Variants in RARB observed in about 807,000 individuals in gnomAD.
RARB encodes the protein HBV-activated protein.
In RARB, 17 loss-of-function variants were observed where a neutral mutation model predicts 51.9. The observed-to-expected ratio is 0.33, with a 90% CI of 0.22 to 0.49. RARB has a LOEUF of 0.49. Among genes scored for constraint, RARB ranks in the 20% least tolerant of loss-of-function variants. The pLI is 0.99. For synonymous variants in RARB, 215 were observed against 195.4 expected (o/e 1.10, Z -0.84); for missense variants, 369 against 550.8 (o/e 0.67, Z 3.30).
chr3:25,186,776 C>T (rs1283458209), intron 5 of RARB, among the ~76,000 whole-genome samples: 1 of 151,854 alleles, frequency 6.6e-6, no homozygotes, highest in Non-Finnish European at 1.5e-5. Flanking sequence ...GACTGAGACA[C>T]CTATAACAAA....
At chr3:25,448,867 A>T (rs1449410589) in intron 1 of RARB, among the ~76,000 whole-genome samples, 1 of 152,124 alleles carries the variant, frequency 6.6e-6, no homozygotes, top group Admixed American at 6.5e-5. Flanking sequence ...GTCTACTTCA[A>T]GTTACTCCTC....
chr3:24,962,952 G>A (rs1383469183), intron 2 of RARB, among the ~76,000 whole-genome samples: 1 of 152,080 alleles, frequency 6.6e-6, no homozygotes, highest in African/African-American at 2.4e-5. Context: ...TAAGTAATTT[G>A]CCGAAGTCAC....
intron 2 of RARB, among the ~76,000 whole-genome samples, chr3:24,981,740 C>T (rs1392491124): frequency 1.3e-5 from 2 of 152,152 alleles, no homozygotes; most frequent in African/African-American, 4.8e-5. Flanking sequence ...CTTATGCTTC[C>T]TGGGTAAGGC....
At chr3:24,920,521 T>C (rs991946464) in intron 2 of RARB, among the ~76,000 whole-genome samples, 3 of 152,172 alleles carry the variant, frequency 2.0e-5, no homozygotes, top group Non-Finnish European at 4.4e-5. Flanking sequence ...TAGGTTAAAA[T>C]TGGGAATTTA....
chr3:24,947,873 T>C (rs1256401365), intron 2 of RARB, among the ~76,000 whole-genome samples: 1 of 152,180 alleles, frequency 6.6e-6, no homozygotes, highest in African/African-American at 2.4e-5. Flanking sequence ...TTCATATCTG[T>C]AAAATATGTA....
intron 1 of RARB, among the ~76,000 whole-genome samples, chr3:25,439,516 CCG>C (rs1256379536): frequency 1.3e-5 from 2 of 152,130 alleles, no homozygotes; most frequent in East Asian, 3.9e-4. Context: ...AGCAATCCTC[CCG>C]CCTCAGCCTC....
intron 2 of RARB, among the ~76,000 whole-genome samples, chr3:25,490,460 G>T (rs1696675794): frequency 6.6e-6 from 1 of 152,126 alleles, no homozygotes; most frequent in African/African-American, 2.4e-5. Context: ...TTTTGTTAAT[G>T]GCCAAATGTT....
At chr3:25,328,590 G>T (rs1704795204) in intron 5 of RARB, among the ~76,000 whole-genome samples, 1 of 152,192 alleles carries the variant, frequency 6.6e-6, no homozygotes, top group South Asian at 2.1e-4. Context: ...AAGAGCTCCA[G>T]TCTACAGCTC....
intron 5 of RARB, among the ~76,000 whole-genome samples, chr3:25,303,142 A>G (rs1312370893): frequency 6.6e-6 from 1 of 152,132 alleles, no homozygotes; most frequent in Admixed American, 6.5e-5. Context: ...CAACCTCTTG[A>G]CATGCTCAGC....
At chr3:25,212,180 T>C (rs1701715206) in intron 5 of RARB, among the ~76,000 whole-genome samples, 1 of 152,222 alleles carries the variant, frequency 6.6e-6, no homozygotes, top group Non-Finnish European at 1.5e-5. Context: ...ATTTTTATTT[T>C]TATGTTTCTA....
At chr3:25,262,012 A>G (rs945266055) in intron 5 of RARB, among the ~76,000 whole-genome samples, 1 of 152,010 alleles carries the variant, frequency 6.6e-6, no homozygotes, top group African/African-American at 2.4e-5. Flanking sequence ...TAAACCTGAC[A>G]CTGTTACTCT....
chr3:24,871,837 A>T (rs188357208), intron 2 of RARB, among the ~76,000 whole-genome samples: 7 of 152,242 alleles, frequency 4.6e-5, no homozygotes, highest in Admixed American at 2.0e-4. Flanking sequence ...GGATTATTCT[A>T]TACTCCTTTT....
rs527805888 is a variant in RARB, at chr3:25,519,978, A to G, written c.448+18655A>G. On this transcript the variant is annotated intron_variant, in intron 3 of 7. Transcript: ENST00000330688. Reference sequence around the variant, plus strand: ...AACATCCATATTCACCTCAGTGTAAAAGACCATAATCAGGGGTCAGCCTAT... The same window carrying G: ...AACATCCATATTCACCTCAGTGTAAGAGACCATAATCAGGGGTCAGCCTAT... Among the ~76,000 whole-genome samples the G allele has an allele frequency of 3.9e-5, 6 of 152,338 alleles. No homozygotes were observed. In the South Asian group the frequency reaches 1.2e-3, roughly 32 times the overall value.
At chr3:25,250,167 T>C (rs760784415) in intron 5 of RARB, among the ~76,000 whole-genome samples, 1 of 152,144 alleles carries the variant, frequency 6.6e-6, no homozygotes, top group Non-Finnish European at 1.5e-5. Context: ...GCTGTAGTAG[T>C]AACAGCAGGT....
At chr3:25,170,477 C>G (rs1410403698) in intron 4 of RARB, among the ~76,000 whole-genome samples, 1 of 152,148 alleles carries the variant, frequency 6.6e-6, no homozygotes, top group Admixed American at 6.5e-5. Context: ...GCATTTTTAA[C>G]CAGTTTGCTG....
chr3:24,853,131 G>A (rs1197791313), intron 1 of RARB, among the ~76,000 whole-genome samples: 1 of 151,008 alleles, frequency 6.6e-6, no homozygotes. Flanking sequence ...TGGTTAACAC[G>A]GTGAAACCCT....
At position 25,210,585 on chromosome 3, in the gene RARB, G is replaced by C. The variant is rs562492842; in HGVS notation, c.178+36010G>C. Among the ~76,000 whole-genome samples the C allele has an allele frequency of 2.5e-5, 3 of 118,884 alleles. 1 individual carries two copies. In the South Asian group the frequency reaches 8.6e-4, roughly 34 times the overall value. The allele number at this position is 118,884 out of a possible 152,430, so 78.0% of individuals were successfully genotyped here. On this transcript the variant is annotated intron_variant, in intron 5 of 11. Transcript: ENST00000383772. ...GAGTCTCACTCTGTTGCCCAGGCAA[G>C]AGTGCAGAGGTGTAATCTCGGCTCA...
chr3:25,539,854 G>T (rs1699303858), intron 3 of RARB, among the ~76,000 whole-genome samples: 1 of 151,730 alleles, frequency 6.6e-6, no homozygotes, highest in Admixed American at 6.6e-5. Flanking sequence ...TTGAACTGTG[G>T]GTCCATTTAT....
intron 2 of RARB, among the ~76,000 whole-genome samples, chr3:24,965,944 AT>A (rs967081732): frequency 6.6e-6 from 1 of 152,156 alleles, no homozygotes; most frequent in African/African-American, 2.4e-5. Flanking sequence ...TTAGTGTTAC[AT>A]TTTTTGTGCA....
Sources: allele counts gnomAD v4.1 joint callset (sites outside exome capture counted in the v4.1 genomes callset), GRCh38; gene constraint gnomAD v4.1.1; transcripts MANE v1.5; gene names NCBI Gene and HGNC (gene_info 2026-07-23, HGNC 2026-07-21).